MACROD2: variants seen among roughly 807,000 people sequenced by gnomAD.
The protein encoded by MACROD2 is mono-ADP ribosylhydrolase 2.
A neutral mutation model predicts 70.4 loss-of-function variants in MACROD2; 36 were observed. The ratio of observed to expected loss-of-function variants is 0.51; its 90% CI spans 0.39 to 0.68. The LOEUF (loss-of-function observed/expected upper bound fraction) is 0.68, where lower values mean the gene tolerates loss of function less well. Among genes scored for constraint, MACROD2 ranks in the 30% least tolerant of loss-of-function variants. MACROD2 has a pLI of 0.00. For missense variants in MACROD2, 496 were observed against 538.4 expected (o/e 0.92, Z 0.78); for synonymous variants, 172 against 178.8 (o/e 0.96, Z 0.30).
intron 5 of MACROD2, among the ~76,000 whole-genome samples, chr20:14,749,913 G>A (rs560924970): frequency 9.2e-5 from 14 of 152,190 alleles, no homozygotes; most frequent in South Asian, 4.1e-4. Flanking sequence ...ATTACCAGGG[G>A]CTAGGAGGAT....
intron 4 of MACROD2, among the ~76,000 whole-genome samples, chr20:14,557,377 G>A (rs1979106642): frequency 6.6e-6 from 1 of 151,730 alleles, no homozygotes; most frequent in African/African-American, 2.4e-5. Flanking sequence ...ACATACACTG[G>A]ACTTTATCTA....
chr20:14,070,270 AGAACT>A (rs2053820296), intron 2 of MACROD2, among the ~76,000 whole-genome samples: 1 of 152,140 alleles, frequency 6.6e-6, no homozygotes. Context: ...AATACCTAAG[AGAACT>A]GAACTATATA....
intron 4 of MACROD2, among the ~76,000 whole-genome samples, chr20:14,616,969 G>T (rs962139082): frequency 4.6e-5 from 7 of 152,110 alleles, no homozygotes; most frequent in African/African-American, 1.7e-4. Context: ...ATAGACACTT[G>T]AGAGTCTCAA....
intron 7 of MACROD2, among the ~76,000 whole-genome samples, chr20:15,495,262 T>G (rs1038551447): frequency 5.3e-5 from 8 of 152,094 alleles, no homozygotes; most frequent in Admixed American, 2.0e-4. Flanking sequence ...ACCCCGGAGG[T>G]CTTGTAGTTA....
At chr20:14,100,256 T>C (rs1432449629) in intron 3 of MACROD2, among the ~76,000 whole-genome samples, 1 of 151,930 alleles carries the variant, frequency 6.6e-6, no homozygotes, top group Admixed American at 6.6e-5. Flanking sequence ...AAAGTCTATT[T>C]CCATATGTGA....
rs1271998663 is a variant in MACROD2 at position 14,907,374 on chromosome 20, T to G, written c.418+222415T>G. Among the ~76,000 whole-genome samples the G allele has an allele frequency of 2.0e-5, 3 of 152,176 alleles. No individual in the cohort carries two copies. In the East Asian group the frequency reaches 5.8e-4, roughly 29 times the overall value. ...CTTCAATAAAAGTTGCAGTCTAACATCACCAGCTTGCCCTTGAATTCTTTC... is the reference window on the plus strand; with the variant it reads ...CTTCAATAAAAGTTGCAGTCTAACAGCACCAGCTTGCCCTTGAATTCTTTC... On this transcript the variant is annotated intron_variant, in intron 5 of 17. Transcript: ENST00000684519.
intron 5 of MACROD2, among the ~76,000 whole-genome samples, chr20:14,909,279 A>G (rs2073997117): frequency 6.6e-6 from 1 of 152,106 alleles, no homozygotes; most frequent in Non-Finnish European, 1.5e-5. Flanking sequence ...ACTTTCTAAG[A>G]GTGAGAGCCT....
chr20:15,640,161 T>G (rs2049437393), intron 8 of MACROD2, among the ~76,000 whole-genome samples: 1 of 148,418 alleles, frequency 6.7e-6, no homozygotes, highest in African/African-American at 2.5e-5. Context: ...AAAAGAGATG[T>G]GAGGAAGGGA....
At chr20:15,313,039 A>G (rs1382800433) in intron 6 of MACROD2, among the ~76,000 whole-genome samples, 1 of 152,132 alleles carries the variant, frequency 6.6e-6, no homozygotes, top group African/African-American at 2.4e-5. Context: ...ATATGTTTGC[A>G]TATATGGTGA....
At chr20:15,258,050 AAAAG>A (rs1041772792) in intron 6 of MACROD2, among the ~76,000 whole-genome samples, 1 of 151,972 alleles carries the variant, frequency 6.6e-6, no homozygotes, top group African/African-American at 2.4e-5. Flanking sequence ...AGTTTAAAAA[AAAAG>A]GTAAAAATAC....
At chr20:15,170,621 C>T (rs2076416037) in intron 5 of MACROD2, among the ~76,000 whole-genome samples, 1 of 152,148 alleles carries the variant, frequency 6.6e-6, no homozygotes, top group African/African-American at 2.4e-5. Context: ...AGGGCAGCTG[C>T]ACCAATTCAT....
At chr20:15,635,008 G>A (rs1359291158) in intron 8 of MACROD2, among the ~76,000 whole-genome samples, 2 of 152,328 alleles carry the variant, frequency 1.3e-5, no homozygotes, top group Non-Finnish European at 1.5e-5. Context: ...GGCAGCAACA[G>A]CAATGCCTTC....
At chr20:14,969,043 G>A (rs2074665327) in intron 5 of MACROD2, among the ~76,000 whole-genome samples, 1 of 152,016 alleles carries the variant, frequency 6.6e-6, no homozygotes, top group South Asian at 2.1e-4. Context: ...CTCAAAGAGT[G>A]CAAGTATGTC....
intron 3 of MACROD2, among the ~76,000 whole-genome samples, chr20:14,124,644 A>G (rs1404209121): frequency 6.6e-6 from 1 of 152,112 alleles, no homozygotes; most frequent in African/African-American, 2.4e-5. Context: ...AGAATGGAAT[A>G]AAAAGTGCTG....
intron 5 of MACROD2, among the ~76,000 whole-genome samples, chr20:14,873,128 A>G (rs1338521880): frequency 6.6e-6 from 1 of 152,116 alleles, no homozygotes; most frequent in South Asian, 2.1e-4. Context: ...AAACTCTAAG[A>G]AAGGGTAGCA....
chr20:15,409,451 A>G (rs1188708403), intron 6 of MACROD2, among the ~76,000 whole-genome samples: 1 of 152,250 alleles, frequency 6.6e-6, no homozygotes, highest in Non-Finnish European at 1.5e-5. Flanking sequence ...AGAAAAAAGC[A>G]ATACGAGAAA....
intron 3 of MACROD2, among the ~76,000 whole-genome samples, chr20:14,159,992 G>A (rs1569184437): frequency 6.6e-6 from 1 of 152,042 alleles, no homozygotes; most frequent in Non-Finnish European, 1.5e-5. Flanking sequence ...TGTGGTTTTT[G>A]TCCTTTATTC....
chr20:15,435,310 T>C (rs1401659304), intron 7 of MACROD2, among the ~76,000 whole-genome samples: 1 of 152,188 alleles, frequency 6.6e-6, no homozygotes, highest in Non-Finnish European at 1.5e-5. Flanking sequence ...CTGTGGTATA[T>C]TTATGTATCT....
intron 11 of MACROD2, among the ~76,000 whole-genome samples, chr20:15,934,628 T>G (rs2065629807): frequency 6.6e-6 from 1 of 152,176 alleles, no homozygotes; most frequent in South Asian, 2.1e-4. Flanking sequence ...CTGTTGAGGT[T>G]TCAAAGGTTT....
Sources: allele counts gnomAD v4.1 joint callset (sites outside exome capture counted in the v4.1 genomes callset), GRCh38; gene constraint gnomAD v4.1.1; transcripts MANE v1.5; gene names NCBI Gene and HGNC (gene_info 2026-07-23, HGNC 2026-07-21).